Variants in GREB1L observed in about 807,000 individuals in gnomAD.
GREB1L encodes GREB1-like protein.
Under a neutral mutation model 200.8 loss-of-function variants are expected in GREB1L, and 17 were observed. The ratio of observed to expected loss-of-function variants is 0.08; its 90% CI spans 0.06 to 0.13. The LOEUF (loss-of-function observed/expected upper bound fraction) is 0.13, where lower values mean the gene tolerates loss of function less well. GREB1L is among the 10% of genes least tolerant of loss of function. The pLI is 1.00. For synonymous variants in GREB1L, 789 were observed against 893.0 expected, an observed-to-expected ratio of 0.88 and a Z score of 2.08; for missense variants, 1,657 against 2,367.7, an observed-to-expected ratio of 0.70 and a Z score of 6.23.
rs924401325 is a variant in GREB1L at position 21,496,439 on chromosome 18, A to G, written c.3147-15A>G. 7 of 1,551,416 alleles carry G rather than the reference A, an allele frequency of 4.5e-6. No homozygotes were observed. Among genetic ancestry groups the G allele is most frequent in the South Asian group, 3.6e-5 (3 of 84,030 alleles). ...GCCAGATAGACTCACCAACAACACA[A>G]TTACTTTTGTTCAGGTCTTTGAAGT... On this transcript the variant is annotated splice_polypyrimidine_tract_variant and intron_variant, in intron 20 of 32. Coordinates refer to ENST00000424526, the MANE Select transcript of GREB1L (RefSeq NM_001142966.3).
In GREB1L at chr18:21,523,954, G is replaced by T. The variant is rs573665324; in HGVS notation, c.*1133G>T. ...AAAATCAGCAGGGGGTGTTTGTCCA[G>T]TATCGGCAATGGGAGGCATATGTTT... On this transcript the variant is annotated 3_prime_UTR_variant, in exon 33 of 33. Transcript: ENST00000424526. The T allele has an allele frequency of 6.6e-6, 1 of 152,190 alleles. No homozygotes were observed. The highest frequency in any genetic ancestry group is 1.5e-5 in the Non-Finnish European group (1 of 68,028). 9.4% of individuals were successfully genotyped at this position (152,190 alleles called of 1,614,324 possible).
chr18:21,301,799 CAAACCA>C, intron 1 of GREB1L, among the ~76,000 whole-genome samples: 1 of 152,258 alleles, frequency 6.6e-6, no homozygotes, highest in South Asian at 2.1e-4. Context: ...CAGCTCAGCT[CAAACCA>C]ATTAGCAAAC....
intron 11 of GREB1L, among the ~76,000 whole-genome samples, chr18:21,449,173 T>G (rs1283941530): frequency 6.6e-6 from 1 of 152,194 alleles, no homozygotes; most frequent in Non-Finnish European, 1.5e-5. Flanking sequence ...ATGCCAAGCT[T>G]AATAGGTCAA....
At chr18:21,478,232 G>A (rs1253018829) in intron 17 of GREB1L, among the ~76,000 whole-genome samples, 3 of 152,198 alleles carry the variant, frequency 2.0e-5, no homozygotes, top group East Asian at 3.8e-4. Context: ...CAGTGAATGT[G>A]TTGAGACTAC....
chr18:21,410,476 C>CA, intron 7 of GREB1L, among the ~76,000 whole-genome samples: 1 of 151,736 alleles, frequency 6.6e-6, no homozygotes, highest in Admixed American at 6.6e-5. Context: ...GGCAACATGG[C>CA]AAAACCCTGT....
chr18:21,325,922 T>C (rs936805705), intron 1 of GREB1L, among the ~76,000 whole-genome samples: 4 of 151,310 alleles, frequency 2.6e-5, no homozygotes, highest in African/African-American at 4.9e-5. Context: ...CCTAGCCTAA[T>C]TGGACAGAAG....
intron 31 of GREB1L, among the ~76,000 whole-genome samples, chr18:21,520,381 G>GT (rs1263658339): frequency 1.3e-5 from 2 of 152,304 alleles, no homozygotes; most frequent in South Asian, 2.1e-4. Context: ...GTGGAAGGTA[G>GT]TTTTTTAAAT....
chr18:21,488,814 A>C (rs1231402779), intron 18 of GREB1L, among the ~76,000 whole-genome samples: 1 of 151,612 alleles, frequency 6.6e-6, no homozygotes, highest in Admixed American at 6.6e-5. Flanking sequence ...CCGCCACCAC[A>C]CCCAGCTAAT....
chr18:21,340,269 A>T (rs1309181725), intron 1 of GREB1L, among the ~76,000 whole-genome samples: 1 of 152,004 alleles, frequency 6.6e-6, no homozygotes, highest in Non-Finnish European at 1.5e-5. Flanking sequence ...TATAAAAAAA[A>T]ATTAGCCGGG....
chr18:21,304,412 C>T (rs1409049434), intron 1 of GREB1L, among the ~76,000 whole-genome samples: 1 of 151,990 alleles, frequency 6.6e-6, no homozygotes. Flanking sequence ...TGTGTTTTTT[C>T]AGCACTTCAC....
In GREB1L at chr18:21,478,131, C is replaced by T. The variant is rs1460155016; in HGVS notation, c.2556+775C>T. Among the ~76,000 whole-genome samples the T allele has an allele frequency of 5.3e-5, 8 of 152,252 alleles. No individual in the cohort carries two copies. The East Asian group carries it at 1.5e-3, about 29-fold the overall frequency. On this transcript the variant is annotated intron_variant, in intron 17 of 32. Transcript: ENST00000424526. ...ACTGTTAATTACTCTCTTGCTCCTCCAGCAACTGGGTTTTTGTTTTAAATC... is the reference window on the plus strand; with the variant it reads ...ACTGTTAATTACTCTCTTGCTCCTCTAGCAACTGGGTTTTTGTTTTAAATC...
intron 1 of GREB1L, among the ~76,000 whole-genome samples, chr18:21,284,528 C>T (rs1320452494): frequency 6.6e-6 from 1 of 152,180 alleles, no homozygotes; most frequent in African/African-American, 2.4e-5. Flanking sequence ...AAATGCTACT[C>T]CATTGCATGA....
In GREB1L at chr18:21,490,096, G is replaced by A. The variant is rs1286958208; in HGVS notation, c.2775G>A (p.Met925Ile). The A allele has an allele frequency of 1.3e-6, 2 of 1,551,758 alleles. No homozygotes were observed. The highest frequency in any genetic ancestry group is 1.7e-6 in the Non-Finnish European group (2 of 1,147,056). Residue 925 changes from methionine (M) to isoleucine (I), a missense_variant, in exon 19 of 33, where the codon ATG (methionine) becomes ATA (isoleucine). Met to Ile is a conservative substitution (Grantham distance 10). Coordinates refer to ENST00000424526, the MANE Select transcript of GREB1L (RefSeq NM_001142966.3). ...YSEALMALTT[M>I]ASLRDHSTPE... ...AGGCCCTGATGGCTCTCACCACCAT[G>A]GCGTCACTCCGCGACCACAGCACAC...
intron 7 of GREB1L, among the ~76,000 whole-genome samples, chr18:21,414,289 A>G (rs2031401057): frequency 6.6e-6 from 1 of 152,194 alleles, no homozygotes; most frequent in Non-Finnish European, 1.5e-5. Flanking sequence ...ATTTTTTGTC[A>G]TATCACGTAA....
intron 28 of GREB1L, among the ~76,000 whole-genome samples, chr18:21,514,865 T>C (rs1445951303): frequency 6.6e-6 from 1 of 152,166 alleles, no homozygotes; most frequent in Non-Finnish European, 1.5e-5. Flanking sequence ...CCCCCTCACA[T>C]TGCTAGGGGG....
chr18:21,518,088 A>G lies in GREB1L; in HGVS notation c.5326A>G (p.Ser1776Gly). Reference sequence around the variant, plus strand: ...CCTTCAATACATCTGTGCTCCCGACAGTGAACACACACTACTGGCAGCCCC... The same window carrying G: ...CCTTCAATACATCTGTGCTCCCGACGGTGAACACACACTACTGGCAGCCCC... ...LPLQYICAPD[S>G]EHTLLAAPAQ... The change falls in exon 31 of 33, where the codon AGT (serine) becomes GGT (glycine). Residue 1776 changes from serine (S) to glycine (G), a missense_variant. Around this residue, in one of 9 missense-constraint regions of GREB1L, gnomAD observed 190 missense variants for 230.2 expected, o/e 0.83. Transcript: ENST00000424526. 2 of 1,551,636 alleles carry G rather than the reference A, an allele frequency of 1.3e-6. No individual in the cohort carries two copies. Among genetic ancestry groups the G allele is most frequent in the Non-Finnish European group, 1.7e-6 (2 of 1,146,930 alleles).
chr18:21,516,805 G>T (rs2037433910), intron 30 of GREB1L, 51 bp downstream of exon 30: 1 of 1,464,032 alleles, frequency 6.8e-7, no homozygotes, highest in South Asian at 1.3e-5. Flanking sequence ...CAATGATAAT[G>T]ACTATCTTTG....
intron 1 of GREB1L, among the ~76,000 whole-genome samples, chr18:21,268,729 C>G (rs999888570): frequency 3.3e-5 from 5 of 151,110 alleles, no homozygotes; most frequent in Admixed American, 1.3e-4. Context: ...TCCTGAGTAG[C>G]TAGGACTACA....
Position 21,500,134 on chromosome 18 carries a change from G to A in GREB1L, c.3797G>A (p.Ser1266Asn), listed in dbSNP as rs1218360532. 2 of 1,551,590 alleles carry A rather than the reference G, an allele frequency of 1.3e-6. No individual in the cohort carries two copies. Among genetic ancestry groups the A allele is most frequent in the East Asian group, 2.4e-5 (1 of 40,922 alleles). The change falls in exon 22 of 33, where the codon AGC becomes AAC. Residue 1266 changes from serine (S) to asparagine (N), a missense_variant. Physicochemically the swap from Ser to Asn is conservative, Grantham distance 46 (BLOSUM62 1). Coordinates refer to ENST00000424526, the MANE Select transcript of GREB1L (RefSeq NM_001142966.3). ...CCCCACGCCGACGTGGCCTGGGTGA[G>A]CTCCCTGCGGCCACTCCTGAACAAG... ...LLPHADVAWV[S>N]SLRPLLNKDM...
Sources: allele counts gnomAD v4.1 joint callset (sites outside exome capture counted in the v4.1 genomes callset), GRCh38; gene constraint gnomAD v4.1.1; regional missense constraint gnomAD v4.1.1; transcripts MANE v1.5; gene names NCBI Gene and HGNC (gene_info 2026-07-23, HGNC 2026-07-21).